NUBPL: variants seen among roughly 807,000 people sequenced by gnomAD.
The protein encoded by NUBPL is NUBP iron-sulfur cluster assembly factor, mitochondrial, also known as iron-sulfur cluster transfer protein NUBPL.
In NUBPL, 31 loss-of-function variants were observed where a neutral mutation model predicts 45.7. That is an observed-to-expected ratio of 0.68 (90% CI 0.51 to 0.92). The LOEUF (loss-of-function observed/expected upper bound fraction) is 0.92, where lower values mean the gene tolerates loss of function less well. Among genes scored for constraint, NUBPL ranks in the 40% least tolerant of loss-of-function variants. The pLI is 0.00. For synonymous variants in NUBPL, 144 were observed against 140.9 expected (o/e 1.02, Z -0.15); for missense variants, 401 against 398.7 (o/e 1.01, Z -0.05).
chr14:31,858,577 A>G (rs2040661520), intron 10 of NUBPL, among the ~76,000 whole-genome samples: 1 of 152,112 alleles, frequency 6.6e-6, no homozygotes. Flanking sequence ...AGAGTGTAAC[A>G]ATGGAACTAG....
Position 31,770,335 on chromosome 14 carries a change from C to T in NUBPL, c.514-17445C>T, listed in dbSNP as rs571057246. Among the ~76,000 whole-genome samples the T allele has an allele frequency of 1.1e-4, 17 of 152,176 alleles. No homozygotes were observed. In the East Asian group the frequency reaches 1.9e-3, roughly 17 times the overall value. ...GCAGGGTGCTAGGGAATGGGTGCCA[C>T]TGATTTAGTTGGGGATGCAATCACT... On this transcript the variant is annotated intron_variant, in intron 6 of 10. Transcript: ENST00000281081.
intron 7 of NUBPL, among the ~76,000 whole-genome samples, chr14:31,803,306 T>A (rs1246254299): frequency 6.6e-6 from 1 of 152,216 alleles, no homozygotes; most frequent in Non-Finnish European, 1.5e-5. Context: ...TAAATAACTA[T>A]TTTTTCACTT....
intron 6 of NUBPL, among the ~76,000 whole-genome samples, chr14:31,676,324 G>A (rs1159905278): frequency 6.6e-6 from 1 of 152,052 alleles, no homozygotes; most frequent in Non-Finnish European, 1.5e-5. Context: ...CAACCGTCCA[G>A]GATGTAGCTT....
chr14:31,758,573 G>A (rs1473655412), intron 6 of NUBPL, among the ~76,000 whole-genome samples: 1 of 152,014 alleles, frequency 6.6e-6, no homozygotes, highest in Non-Finnish European at 1.5e-5. Context: ...AGTTTTATGT[G>A]TGTTTATATG....
At chr14:31,638,670 A>G (rs2035583821) in intron 4 of NUBPL, among the ~76,000 whole-genome samples, 1 of 152,186 alleles carries the variant, frequency 6.6e-6, no homozygotes, top group Admixed American at 6.5e-5. Context: ...CCAGGATAAC[A>G]TCCTGCAGAG....
chr14:31,703,969 A>G (rs2037392602), intron 6 of NUBPL, among the ~76,000 whole-genome samples: 1 of 152,216 alleles, frequency 6.6e-6, no homozygotes, highest in African/African-American at 2.4e-5. Flanking sequence ...ACCACCTGAC[A>G]TTCCTACTGG....
intron 7 of NUBPL, among the ~76,000 whole-genome samples, chr14:31,807,251 A>G (rs2039707864): frequency 2.0e-5 from 3 of 152,216 alleles, no homozygotes; most frequent in Admixed American, 1.3e-4. Context: ...GTGTAAAAGC[A>G]TTCCTGTTTC....
chr14:31,810,215 G>T (rs906386009), intron 7 of NUBPL, among the ~76,000 whole-genome samples: 2 of 151,982 alleles, frequency 1.3e-5, no homozygotes, highest in Non-Finnish European at 2.9e-5. Flanking sequence ...TTGACAGTGG[G>T]GTGTTAAAGT....
intron 6 of NUBPL, among the ~76,000 whole-genome samples, chr14:31,688,684 T>C (rs1555328445): frequency 4.2e-5 from 6 of 144,138 alleles, no homozygotes; most frequent in Non-Finnish European, 7.5e-5. Flanking sequence ...AACTTTTAGG[T>C]TCAGGGGTTC....
In NUBPL at chr14:31,787,825, G is replaced by A. The variant is rs2039311218; in HGVS notation, c.559G>A (p.Gly187Arg). The A allele has an allele frequency of 1.2e-6, 2 of 1,613,234 alleles. No individual in the cohort carries two copies. Among genetic ancestry groups the A allele is most frequent in the Non-Finnish European group, 1.7e-6 (2 of 1,179,376 alleles). ...LDYLVVDMPP[G>R]TGDVQLSVSQ... ...CTACTTAGTTGTAGACATGCCACCA[G>A]GAACTGGAGATGTGCAGTTATCAGT... Residue 187 changes from glycine (G) to arginine (R), a missense_variant, in exon 7 of 11, where the codon GGA (glycine) becomes AGA (arginine). Gly to Arg is a moderately radical substitution (Grantham distance 125, BLOSUM62 -2). Transcript: ENST00000281081.
intron 6 of NUBPL, among the ~76,000 whole-genome samples, chr14:31,778,127 A>G (rs1292654151): frequency 6.6e-6 from 1 of 152,224 alleles, no homozygotes. Context: ...CTTGGAGAGC[A>G]GGAGGCGTAG....
intron 6 of NUBPL, among the ~76,000 whole-genome samples, chr14:31,731,421 G>T (rs4981120): frequency 0.55 from 83,994 of 152,104 alleles, 25,512 homozygotes; most frequent in African/African-American, 0.83. Flanking sequence ...CTGGGTTTCA[G>T]CATCACTTCT....
At chr14:31,561,989 C>T in intron 1 of NUBPL, 79 bp from the exon 2 acceptor site, 1 of 1,429,052 alleles carries the variant, frequency 7.0e-7, no homozygotes, top group South Asian at 1.3e-5. Flanking sequence ...TTGCAAACCC[C>T]AGATTGTTTT....
At chr14:31,798,791 CAAAAAAAA>C (rs1164176250) in intron 7 of NUBPL, among the ~76,000 whole-genome samples, 17 of 53,528 alleles carry the variant, frequency 3.2e-4, no homozygotes, top group African/African-American at 1.1e-3. Context: ...GACTCCGTCT[CAAAAAAAA>C]AAAAAAAAAA....
chr14:31,851,912 T>A (rs1033242830), intron 10 of NUBPL, among the ~76,000 whole-genome samples: 2 of 152,190 alleles, frequency 1.3e-5, no homozygotes, highest in Non-Finnish European at 2.9e-5. Flanking sequence ...TTCTTTGAAA[T>A]CCTCCAGAAG....
intron 3 of NUBPL, among the ~76,000 whole-genome samples, chr14:31,586,383 T>C (rs1353526488): frequency 6.6e-6 from 1 of 152,174 alleles, no homozygotes; most frequent in African/African-American, 2.4e-5. Flanking sequence ...AGGTGTGGTT[T>C]TGGCAGGTAG....
chr14:31,637,786 A>G (rs1029917795), intron 4 of NUBPL, among the ~76,000 whole-genome samples: 16 of 152,166 alleles, frequency 1.1e-4, no homozygotes, highest in African/African-American at 3.4e-4. Context: ...TATTGGGTGC[A>G]TATATATTAA....
rs998448609 is a variant in NUBPL, at chr14:31,719,522, G to A, written c.513+45948G>A. Among the ~76,000 whole-genome samples the A allele has an allele frequency of 2.6e-5, 4 of 151,978 alleles. No individual in the cohort carries two copies. In the South Asian group the frequency reaches 8.3e-4, roughly 32 times the overall value. On this transcript the variant is annotated intron_variant, in intron 6 of 10. Coordinates refer to ENST00000281081, the MANE Select transcript of NUBPL (RefSeq NM_025152.3). Reference sequence around the variant, plus strand: ...AAAAAACTACCTTATTTAATTTGCTGTGAATTTAGTCTCCCATAAAGAACT... The same window carrying A: ...AAAAAACTACCTTATTTAATTTGCTATGAATTTAGTCTCCCATAAAGAACT...
At chr14:31,594,009 C>G (rs1190499951) in intron 3 of NUBPL, among the ~76,000 whole-genome samples, 1 of 152,094 alleles carries the variant, frequency 6.6e-6, no homozygotes. Flanking sequence ...GACTTGGGAT[C>G]CTAGGCCCAG....
Sources: allele counts gnomAD v4.1 joint callset (sites outside exome capture counted in the v4.1 genomes callset), GRCh38; gene constraint gnomAD v4.1.1; transcripts MANE v1.5; gene names NCBI Gene and HGNC (gene_info 2026-07-23, HGNC 2026-07-21).